Variants in RANBP2 observed in about 807,000 individuals in gnomAD.
RANBP2 encodes E3 SUMO-protein ligase RanBP2.
Under a neutral mutation model 303.6 loss-of-function variants are expected in RANBP2, and 57 were observed. That is an observed-to-expected ratio of 0.19 (90% CI 0.15 to 0.23). The LOEUF (loss-of-function observed/expected upper bound fraction) is 0.23, where lower values mean the gene tolerates loss of function less well. RANBP2 is among the 10% of genes least tolerant of loss of function. The pLI, the probability that RANBP2 is intolerant of heterozygous loss-of-function variation, is 1.00. For missense variants in RANBP2, 3,138 were observed against 3,780.8 expected (o/e 0.83, Z 4.46); for synonymous variants, 1,167 against 1,301.5 (o/e 0.90, Z 2.23).
chr2:108,894,850 T>G, the RANBP2 span: 1 of 152,158 alleles, frequency 6.6e-6, no homozygotes, highest in Non-Finnish European at 1.5e-5. Flanking sequence ...CTGGCTGGCC[T>G]TACAGCCCCA....
the RANBP2 span, among the ~76,000 whole-genome samples, chr2:109,410,014 CA>C: frequency 2.6e-5 from 4 of 152,282 alleles, no homozygotes; most frequent in East Asian, 7.7e-4. Flanking sequence ...AGCCCCCGTA[CA>C]GCCTGCCAAC....
chr2:109,283,234 G>A, the RANBP2 span, among the ~76,000 whole-genome samples: 3 of 152,290 alleles, frequency 2.0e-5, no homozygotes, highest in South Asian at 2.1e-4. Context: ...GCAGTCTCCC[G>A]CTCTGGGTGC....
chr2:109,354,367 A>G, the RANBP2 span, among the ~76,000 whole-genome samples: 1 of 152,156 alleles, frequency 6.6e-6, no homozygotes. Flanking sequence ...GCTTCTAGGA[A>G]ACCACTCGAC....
At position 108,735,543 on chromosome 2, in the gene RANBP2, A is replaced by G. The variant is rs1486825220; in HGVS notation, c.417A>G (p.Leu139=). The change falls in exon 5 of 29, where the codon CTA becomes CTG. Residue 139 remains leucine, a synonymous_variant. Coordinates refer to ENST00000283195, the MANE Select transcript of RANBP2 (RefSeq NM_006267.5). ...PAIYKLKEQL[L]DCEGEDGWNK... Reference sequence around the variant, plus strand: ...TCCCCTCTAAATAGGAACAGCTTCTAGATTGTGAAGGTGAAGATGGATGGA... The same window carrying G: ...TCCCCTCTAAATAGGAACAGCTTCTGGATTGTGAAGGTGAAGATGGATGGA... The G allele has an allele frequency of 1.3e-6, 2 of 1,597,440 alleles. No individual in the cohort carries two copies. Among genetic ancestry groups the G allele is most frequent in the Non-Finnish European group, 8.5e-7 (1 of 1,179,782 alleles).
At chr2:109,327,962 A>C in the RANBP2 span, among the ~76,000 whole-genome samples, 1 of 152,234 alleles carries the variant, frequency 6.6e-6, no homozygotes, top group African/African-American at 2.4e-5. Flanking sequence ...ACCCTGTGTC[A>C]GGCGATATCC....
chr2:108,871,169 A>G, the RANBP2 span, among the ~76,000 whole-genome samples: 13 of 152,120 alleles, frequency 8.5e-5, no homozygotes, highest in Non-Finnish European at 1.8e-4. Context: ...GGCATGCATT[A>G]TACATGTTAT....
chr2:108,719,799 G>C lies in RANBP2; in HGVS notation c.72+121G>C. 5 of 1,493,616 alleles carry C rather than the reference G, an allele frequency of 3.3e-6. No individual in the cohort carries two copies. In the South Asian group the frequency reaches 6.5e-5, roughly 20 times the overall value. 92.5% of individuals were successfully genotyped at this position (1,493,616 alleles called of 1,614,324 possible). A position where few individuals can be genotyped will look rare whatever the true frequency, so the allele number is the denominator to read the frequency against. On this transcript the variant is annotated intron_variant, in intron 1 of 28. Transcript: ENST00000283195. ...GGCGCGCTCTGTTGAGGCGCCGGCCGGCTGGCGCAGTCCTGTGGGCGGCGT... is the reference window on the plus strand; with the variant it reads ...GGCGCGCTCTGTTGAGGCGCCGGCCCGCTGGCGCAGTCCTGTGGGCGGCGT...
chr2:108,825,107 A>C, the RANBP2 span, among the ~76,000 whole-genome samples: 1 of 152,146 alleles, frequency 6.6e-6, no homozygotes, highest in South Asian at 2.1e-4. Flanking sequence ...ATAAATTAGG[A>C]ATGTGAGATA....
the RANBP2 span, among the ~76,000 whole-genome samples, chr2:109,336,106 A>T: frequency 5.7e-3 from 863 of 152,296 alleles, 9 homozygotes; most frequent in African/African-American, 0.02. Flanking sequence ...TAAGCTCTTT[A>T]ATATTTTAGG....
intron 23 of RANBP2, 56 bp downstream of exon 23, chr2:108,773,102 T>A: frequency 6.7e-7 from 1 of 1,495,280 alleles, no homozygotes; most frequent in Non-Finnish European, 9.2e-7. Flanking sequence ...GTTGATGCAG[T>A]AAACTTTAGA....
the RANBP2 span, among the ~76,000 whole-genome samples, chr2:108,987,322 C>A: frequency 6.6e-6 from 1 of 152,212 alleles, no homozygotes; most frequent in Non-Finnish European, 1.5e-5. Flanking sequence ...AGAAGAGGCT[C>A]CCCATTTAAC....
chr2:109,605,295 C>T, the RANBP2 span: 4 of 152,116 alleles, frequency 2.6e-5, no homozygotes, highest in Admixed American at 6.6e-5. Context: ...CATGGTGAAA[C>T]TCTGTCTCTA....
the RANBP2 span, among the ~76,000 whole-genome samples, chr2:109,078,185 ATATATATATAGCG>A: frequency 1.7e-4 from 7 of 40,852 alleles, 1 homozygote; most frequent in Non-Finnish European, 3.4e-4. Context: ...TATATATAGC[ATATATATATAGCG>A]TATATATATA....
chr2:108,794,393 C>T, the RANBP2 span: 93,588 of 699,722 alleles, frequency 0.13, 7,129 homozygotes, highest in Middle Eastern at 0.16. Flanking sequence ...ACCACTTTAC[C>T]ATATTTGCTA....
chr2:109,543,674 A>G, the RANBP2 span: 1 of 152,710 alleles, frequency 6.5e-6, no homozygotes, highest in African/African-American at 2.4e-5. Context: ...AGTGGCACTG[A>G]CTTCGCTCTT....
chr2:108,763,159 TTG>T, intron 19 of RANBP2, 76 bp from the exon 20 acceptor site: 1 of 1,456,960 alleles, frequency 6.9e-7, no homozygotes, highest in Non-Finnish European at 9.5e-7. Flanking sequence ...TGTTTGAAGT[TTG>T]TGAGAATTGG....
the RANBP2 span, among the ~76,000 whole-genome samples, chr2:109,572,298 A>AT: frequency 1.3e-5 from 2 of 151,714 alleles, no homozygotes; most frequent in Non-Finnish European, 2.9e-5. Flanking sequence ...GCCCGGCTGA[A>AT]TTTTTTTTGT....
the RANBP2 span, chr2:108,910,917 A>G: frequency 0.91 from 1,466,247 of 1,613,928 alleles, 666,437 homozygotes; most frequent in East Asian, 1. Context: ...GAGTCCAGGA[A>G]GCAGGGCACC....
the RANBP2 span, chr2:109,546,245 C>A: frequency 6.5e-7 from 1 of 1,533,896 alleles, no homozygotes; most frequent in East Asian, 2.3e-5. Context: ...TAGCTGGAAA[C>A]AAAAGTGCAA....
Sources: gnomAD v4.1 joint callset for allele counts (sites outside exome capture counted in the v4.1 genomes callset) on GRCh38, gnomAD v4.1.1 for gene constraint, MANE v1.5 for transcripts, NCBI Gene and HGNC (gene_info 2026-07-23, HGNC 2026-07-21) for gene names.